UGGT2: variants seen among roughly 807,000 people sequenced by gnomAD.
UGGT2 encodes UDP-glucose glycoprotein glucosyltransferase 2.
UGGT2 carries 180 observed loss-of-function variants against 192.1 expected under a neutral mutation model. The observed-to-expected ratio is 0.94, with a 90% CI of 0.83 to 1.06. UGGT2 has a LOEUF of 1.06. UGGT2 is among the 50% of genes least tolerant of loss of function. UGGT2 has a pLI of 0.00. For missense variants in UGGT2, 1,849 were observed against 1,795.7 expected, an observed-to-expected ratio of 1.03 and a Z score of -0.54; for synonymous variants, 580 against 591.0, an observed-to-expected ratio of 0.98 and a Z score of 0.27.
chr13:95,898,235 A>G (rs188532740), intron 22 of UGGT2, among the ~76,000 whole-genome samples: 7 of 152,248 alleles, frequency 4.6e-5, no homozygotes, highest in South Asian at 4.1e-4. Context: ...CAAATAAAAC[A>G]TAAGCTAGAT....
At chr13:95,816,970 T>C (rs1336725812) in intron 38 of UGGT2, among the ~76,000 whole-genome samples, 1 of 151,878 alleles carries the variant, frequency 6.6e-6, no homozygotes, top group Non-Finnish European at 1.5e-5. Flanking sequence ...CTACTAAAAA[T>C]ACAAAAATTA....
chr13:95,823,083 T>C (rs1169473436), intron 38 of UGGT2, among the ~76,000 whole-genome samples: 1 of 152,136 alleles, frequency 6.6e-6, no homozygotes, highest in East Asian at 1.9e-4. Context: ...AATTTCCATG[T>C]ATTTGTATAG....
intron 34 of UGGT2, among the ~76,000 whole-genome samples, chr13:95,854,973 A>G (rs7983546): frequency 0.36 from 54,518 of 151,630 alleles, 10,272 homozygotes; most frequent in Non-Finnish European, 0.42. Flanking sequence ...TTCTAGAAAA[A>G]TATTAGTGCA....
intron 5 of UGGT2, among the ~76,000 whole-genome samples, chr13:96,003,909 C>G (rs943599476): frequency 6.6e-6 from 1 of 152,134 alleles, no homozygotes; most frequent in African/African-American, 2.4e-5. Context: ...GACACAGACA[C>G]AGCATCTAAT....
At chr13:96,041,097 A>G (rs964922473) in intron 1 of UGGT2, among the ~76,000 whole-genome samples, 2 of 152,196 alleles carry the variant, frequency 1.3e-5, no homozygotes, top group African/African-American at 4.8e-5. Flanking sequence ...TAGAAAAGCC[A>G]AGAGAACCCA....
intron 15 of UGGT2, among the ~76,000 whole-genome samples, chr13:95,943,655 T>A (rs2049766671): frequency 2.0e-5 from 3 of 152,198 alleles, no homozygotes; most frequent in Admixed American, 2.0e-4. Context: ...CATATCCAGT[T>A]ACTTTACTAA....
chr13:96,041,355 G>C (rs1204035994), intron 1 of UGGT2, among the ~76,000 whole-genome samples: 1 of 152,128 alleles, frequency 6.6e-6, no homozygotes, highest in East Asian at 1.9e-4. Context: ...GGCTCTCTGG[G>C]TCCCCTAGGA....
chr13:96,028,751 T>C (rs896860168), intron 2 of UGGT2, among the ~76,000 whole-genome samples: 1 of 152,154 alleles, frequency 6.6e-6, no homozygotes, highest in African/African-American at 2.4e-5. Flanking sequence ...GTAAAGAGTA[T>C]TTAGAAGGTC....
At chr13:95,924,483 A>G (rs950018252) in intron 20 of UGGT2, among the ~76,000 whole-genome samples, 4 of 139,186 alleles carry the variant, frequency 2.9e-5, no homozygotes, top group South Asian at 2.2e-4. Context: ...ACATGGTGTA[A>G]TATGAAATAA....
At chr13:95,819,974 A>G (rs1204134469) in intron 38 of UGGT2, among the ~76,000 whole-genome samples, 2 of 152,160 alleles carry the variant, frequency 1.3e-5, no homozygotes, top group African/African-American at 4.8e-5. Flanking sequence ...CTTGACCTAC[A>G]TGGCAAAACC....
Position 95,906,502 on chromosome 13 carries a change from T to C in UGGT2, c.2296-3442A>G, listed in dbSNP as rs190339568. On this transcript the variant is annotated intron_variant, in intron 20 of 38. Coordinates refer to ENST00000376747, the MANE Select transcript of UGGT2 (RefSeq NM_020121.4). ...TGGGACACCATTAAGCATGCCAACA[T>C]ATGCATTATAGAAGACCCAGGAAGA... 6.2e-4 allele frequency among the ~76,000 whole-genome samples: 95 copies of C among 152,114 alleles called. 1 individual carries two copies. The East Asian group carries it at 0.017, about 28-fold the overall frequency.
At chr13:96,018,312 T>TC (rs2052401345) in intron 4 of UGGT2, among the ~76,000 whole-genome samples, 1 of 152,070 alleles carries the variant, frequency 6.6e-6, no homozygotes, top group African/African-American at 2.4e-5. Flanking sequence ...GCTCAGGAAT[T>TC]CGAGTCCAGC....
chr13:95,898,505 TTCC>T (rs1246774614), intron 22 of UGGT2, among the ~76,000 whole-genome samples: 1 of 152,154 alleles, frequency 6.6e-6, no homozygotes, highest in Non-Finnish European at 1.5e-5. Context: ...TTGACATGGC[TTCC>T]TCCTTCACCT....
chr13:95,980,485 T>C (rs1332862131), intron 10 of UGGT2, among the ~76,000 whole-genome samples: 2 of 152,098 alleles, frequency 1.3e-5, no homozygotes, highest in African/African-American at 4.8e-5. Context: ...GATCAAAGAC[T>C]ACACATTGGG....
At chr13:95,961,182 G>A (rs529598899) in intron 12 of UGGT2, among the ~76,000 whole-genome samples, 1 of 152,108 alleles carries the variant, frequency 6.6e-6, no homozygotes, top group East Asian at 1.9e-4. Context: ...AAGAGAGAGA[G>A]AGAGAAACAG....
Position 95,853,627 on chromosome 13 carries a change from G to T in UGGT2, c.4200C>A (p.Phe1400Leu), listed in dbSNP as rs750515936. 3 of 1,587,248 alleles carry T rather than the reference G, an allele frequency of 1.9e-6. No homozygotes were observed. In the East Asian group the frequency reaches 6.7e-5, roughly 36 times the overall value. ...GCCTGTCACCTGCTCCAATTCTCCT[G>T]AACTTCTTGAGATCCACTACATATA... ...SALYVVDLKK[F>L]RRIGAGDRLR... is the part of the protein sequence containing the mutation. Residue 1400 changes from phenylalanine (F) to leucine (L), a missense_variant, in exon 36 of 39, where the codon TTC becomes TTA. By Grantham distance (22) the Phe-to-Leu change is conservative (BLOSUM62 0). Transcript: ENST00000376747.
chr13:95,930,860 T>C lies in UGGT2; in HGVS notation c.1978-3524A>G, dbSNP rs36006842. Among the ~76,000 whole-genome samples, 566 of 152,266 alleles carry C rather than the reference T, an allele frequency of 3.7e-3. 2 individuals are homozygous for C. Among genetic ancestry groups the C allele is most frequent in the Middle Eastern group, 0.017 (5 of 294 alleles). ...CTGGTGGGTTGGTGGTCTCGCTGGC[T>C]TCAGGAGTGAAGGTGCAGACTTTTA... On this transcript the variant is annotated intron_variant, in intron 17 of 38. Coordinates refer to ENST00000376747, the MANE Select transcript of UGGT2 (RefSeq NM_020121.4).
intron 36 of UGGT2, among the ~76,000 whole-genome samples, chr13:95,839,092 T>C (rs908408534): frequency 6.6e-6 from 1 of 152,094 alleles, no homozygotes; most frequent in Non-Finnish European, 1.5e-5. Context: ...TAAATCTCAA[T>C]CTCTGTAACT....
In UGGT2 at chr13:95,859,625, C is replaced by G. The variant is rs1436973888; in HGVS notation, c.3791G>C (p.Trp1264Ser). 7 of 1,609,964 alleles carry G rather than the reference C, an allele frequency of 4.3e-6. No individual in the cohort carries two copies. The highest frequency in any genetic ancestry group is 5.9e-6 in the Non-Finnish European group (7 of 1,177,990). The change falls in exon 33 of 39, where the codon TGG becomes TCG. Residue 1264 changes from tryptophan (W) to serine (S), a missense_variant. Trp to Ser is a radical substitution (Grantham distance 177). Transcript: ENST00000376747. ...CGGTGAGAGATAATTTTTTAGCAACCAGAATTTCACTGGTGTTTTGGTGTT... is the reference window on the plus strand; with the variant it reads ...CGGTGAGAGATAATTTTTTAGCAACGAGAATTTCACTGGTGTTTTGGTGTT... The part of the protein sequence containing the change: ...LRNTKTPVKF[W>S]LLKNYLSPTF...
Sources: allele counts gnomAD v4.1 joint callset (sites outside exome capture counted in the v4.1 genomes callset), GRCh38; gene constraint gnomAD v4.1.1; transcripts MANE v1.5; gene names NCBI Gene and HGNC (gene_info 2026-07-23, HGNC 2026-07-21).